Variants in GUCY2C observed in about 807,000 individuals in gnomAD.
GUCY2C encodes guanylyl cyclase C.
GUCY2C carries 118 observed loss-of-function variants against 131.1 expected under a neutral mutation model. That is an observed-to-expected ratio of 0.90 (90% confidence interval 0.78 to 1.05). GUCY2C has a LOEUF of 1.05. GUCY2C is among the 50% of genes least tolerant of loss of function. The pLI, the probability that GUCY2C is intolerant of heterozygous loss-of-function variation, is 0.00. For synonymous variants in GUCY2C, 452 were observed against 457.8 expected (o/e 0.99, Z 0.16); for missense variants, 1,161 against 1,304.4 (o/e 0.89, Z 1.69).
intron 1 of GUCY2C, among the ~76,000 whole-genome samples, chr12:14,691,469 G>C (rs1268378855): frequency 6.6e-6 from 1 of 152,124 alleles, no homozygotes; most frequent in Non-Finnish European, 1.5e-5. Context: ...GTGGACCTGG[G>C]GGAATGAGAG....
intron 1 of GUCY2C, among the ~76,000 whole-genome samples, chr12:14,693,572 C>T (rs1405242011): frequency 6.6e-6 from 1 of 152,130 alleles, no homozygotes; most frequent in African/African-American, 2.4e-5. Context: ...ATAATTTTTC[C>T]CAAATAATGA....
At chr12:14,682,229 C>G (rs1948360339) in intron 4 of GUCY2C, among the ~76,000 whole-genome samples, 2 of 152,084 alleles carry the variant, frequency 1.3e-5, no homozygotes, top group Admixed American at 1.3e-4. Flanking sequence ...ATTGTTATCC[C>G]CATAATCCCA....
At chr12:14,640,040 C>G in intron 18 of GUCY2C, 90 bp from the exon 19 acceptor site, 1 of 847,380 alleles carries the variant, frequency 1.2e-6, no homozygotes, top group Non-Finnish European at 2.0e-6. Context: ...TGATTCACTC[C>G]CCTGGATGGC....
intron 23 of GUCY2C, among the ~76,000 whole-genome samples, chr12:14,619,524 C>G (rs749329452): frequency 6.6e-6 from 1 of 152,144 alleles, no homozygotes; most frequent in Non-Finnish European, 1.5e-5. Flanking sequence ...GTATTTTGCT[C>G]TCGCAAAGAA....
chr12:14,642,513 C>T (rs1352029409), intron 17 of GUCY2C, among the ~76,000 whole-genome samples: 1 of 152,156 alleles, frequency 6.6e-6, no homozygotes, highest in Admixed American at 6.5e-5. Context: ...TCCAAATGTA[C>T]ATCACCTTTT....
At chr12:14,649,807 C>T (rs1947605321) in intron 15 of GUCY2C, among the ~76,000 whole-genome samples, 2 of 152,070 alleles carry the variant, frequency 1.3e-5, no homozygotes, top group African/African-American at 4.8e-5. Context: ...TTCAATGAGA[C>T]AGAAATTTTA....
rs1565626889 is a variant in GUCY2C at position 14,666,712 on chromosome 12, GTGA to G, written c.1282+3007_1282+3009del. On this transcript the variant is annotated intron_variant, in intron 10 of 26. Transcript: ENST00000261170. Reference sequence around the variant, plus strand: ...ATTGCACCACTGTACTCCAGCCTGGGTGATACAGCCAGACAATGTCTCCAAAAA... The same window carrying G: ...ATTGCACCACTGTACTCCAGCCTGGGTACAGCCAGACAATGTCTCCAAAAA... Among the ~76,000 whole-genome samples, 560 of 148,092 alleles carry G rather than the reference GTGA, an allele frequency of 3.8e-3. 8 individuals carry two copies. The highest frequency in any genetic ancestry group is 0.013 in the African/African-American group (528 of 39,916).
intron 25 of GUCY2C, among the ~76,000 whole-genome samples, chr12:14,615,524 A>T (rs1367488845): frequency 2.6e-5 from 4 of 151,746 alleles, no homozygotes; most frequent in Non-Finnish European, 5.9e-5. Context: ...TGAAAAAGAG[A>T]TACAAAATAC....
At chr12:14,641,487 G>A (rs1947403295) in intron 17 of GUCY2C, among the ~76,000 whole-genome samples, 3 of 152,142 alleles carry the variant, frequency 2.0e-5, no homozygotes, top group African/African-American at 7.2e-5. Flanking sequence ...AAAACTGCTA[G>A]GATCATAGTC....
intron 10 of GUCY2C, among the ~76,000 whole-genome samples, chr12:14,669,421 G>A (rs1402342437): frequency 6.6e-6 from 1 of 150,462 alleles, no homozygotes; most frequent in Non-Finnish European, 1.5e-5. Flanking sequence ...TCACCATGTT[G>A]CCCAGGCTGG....
chr12:14,692,288 A>G lies in GUCY2C; in HGVS notation c.217+3944T>C, dbSNP rs1394147707. The stretch of plus-strand genomic sequence containing the variant: ...TAGAAGCCAATATGAGAATATAGCT[A>G]TCTTCCATTAAGCTTGACATTAAAG... On this transcript the variant is annotated intron_variant, in intron 1 of 26. Coordinates refer to ENST00000261170, the MANE Select transcript of GUCY2C (RefSeq NM_004963.4). Among the ~76,000 whole-genome samples, 4 of 152,230 alleles carry G rather than the reference A, an allele frequency of 2.6e-5. No homozygotes were observed. The South Asian group carries it at 6.2e-4, about 24-fold the overall frequency.
At chr12:14,653,454 C>T (rs1373951992) in intron 12 of GUCY2C, among the ~76,000 whole-genome samples, 3 of 152,230 alleles carry the variant, frequency 2.0e-5, no homozygotes, top group Non-Finnish European at 4.4e-5. Context: ...GCAGTACTGT[C>T]AGCTCTGGGT....
rs185400826 is a variant in GUCY2C, at chr12:14,630,840, A to G, written c.2158-2103T>C. ...CTCATTTCTAATTCCAGAACTGTCC[A>G]ACTACACAAATGAATTAAAGATGAT... On this transcript the variant is annotated intron_variant, in intron 19 of 26. Coordinates refer to ENST00000261170, the MANE Select transcript of GUCY2C (RefSeq NM_004963.4). 2.0e-5 allele frequency among the ~76,000 whole-genome samples: 3 copies of G among 152,334 alleles called. No individual in the cohort carries two copies. In the East Asian group the frequency reaches 5.8e-4, roughly 29 times the overall value.
At chr12:14,651,678 T>C (rs192058233) in intron 14 of GUCY2C, among the ~76,000 whole-genome samples, 167 bp from the exon 15 acceptor site, 2 of 152,382 alleles carry the variant, frequency 1.3e-5, no homozygotes, top group Admixed American at 1.3e-4. Context: ...ATCAATCTCA[T>C]TCAACAAACT....
intron 10 of GUCY2C, among the ~76,000 whole-genome samples, chr12:14,662,675 CAA>C (rs35153087): frequency 8.7e-4 from 63 of 72,074 alleles, no homozygotes; most frequent in South Asian, 1.2e-3. Flanking sequence ...GACTCCGTCT[CAA>C]AAAAAAAAAA....
chr12:14,643,180 C>T (rs905965363), intron 17 of GUCY2C, among the ~76,000 whole-genome samples: 4 of 152,190 alleles, frequency 2.6e-5, no homozygotes, highest in African/African-American at 9.7e-5. Context: ...AATGGGTCTT[C>T]TGGTTTGTAC....
chr12:14,682,419 G>A (rs1334300074), intron 4 of GUCY2C, among the ~76,000 whole-genome samples: 1 of 152,132 alleles, frequency 6.6e-6, no homozygotes, highest in Admixed American at 6.6e-5. Flanking sequence ...AAAGTGCCTT[G>A]CTTGTCCTTC....
At chr12:14,679,967 C>T (rs543879561) in intron 5 of GUCY2C, among the ~76,000 whole-genome samples, 10 of 151,638 alleles carry the variant, frequency 6.6e-5, no homozygotes, top group African/African-American at 1.9e-4. Context: ...AAAATCATCT[C>T]GTCCATCATT....
chr12:14,645,684 C>T lies in GUCY2C; in HGVS notation c.1711-369G>A, dbSNP rs539981887. On this transcript the variant is annotated intron_variant, in intron 15 of 26. Coordinates refer to ENST00000261170, the MANE Select transcript of GUCY2C (RefSeq NM_004963.4). ...AACAGGCAATTGCTATAAGAAAATTCCTTCATTAGGCTTGTGTTTTTACTC... is the reference window on the plus strand; with the variant it reads ...AACAGGCAATTGCTATAAGAAAATTTCTTCATTAGGCTTGTGTTTTTACTC... Among the ~76,000 whole-genome samples the T allele has an allele frequency of 7.6e-4, 116 of 152,180 alleles. 1 individual carries two copies. The highest frequency in any genetic ancestry group is 2.8e-3 in the African/African-American group (115 of 41,512).
Sources: allele counts gnomAD v4.1 joint callset (sites outside exome capture counted in the v4.1 genomes callset), GRCh38; gene constraint gnomAD v4.1.1; transcripts MANE v1.5; gene names NCBI Gene and HGNC (gene_info 2026-07-23, HGNC 2026-07-21).